The following AKAP13 variants were observed in gnomAD, a reference collection of about 807,000 sequenced individuals.
AKAP13 encodes A-kinase anchor protein 13.
AKAP13 carries 80 observed loss-of-function variants against 264.5 expected under a neutral mutation model. The observed-to-expected ratio is 0.30, with a 90% confidence interval of 0.25 to 0.36. AKAP13 has a LOEUF of 0.36. Ranked by LOEUF, AKAP13 falls within the 10% of genes least tolerant of loss-of-function variation. AKAP13 has a pLI of 1.00. For missense variants in AKAP13, 3,712 were observed against 3,435.2 expected, an observed-to-expected ratio of 1.08 and a Z score of -2.01; for synonymous variants, 1,380 against 1,250.2, an observed-to-expected ratio of 1.10 and a Z score of -2.19.
intron 1 of AKAP13, among the ~76,000 whole-genome samples, chr15:85,467,837 C>T (rs2074806945): frequency 6.6e-6 from 1 of 152,172 alleles, no homozygotes; most frequent in Non-Finnish European, 1.5e-5. Flanking sequence ...TGTTATCCAA[C>T]CTGTTGCCCA....
intron 1 of AKAP13, among the ~76,000 whole-genome samples, chr15:85,415,927 T>G (rs1225875850): frequency 6.6e-6 from 1 of 152,102 alleles, no homozygotes; most frequent in Non-Finnish European, 1.5e-5. Context: ...ACTTAAAGCC[T>G]GGTGGTTCAG....
At chr15:85,677,200 C>G (rs1340314453) in intron 14 of AKAP13, 1 of 890,958 alleles carries the variant, frequency 1.1e-6, no homozygotes, top group Non-Finnish European at 1.3e-6. Context: ...GGGCTTTTAG[C>G]CTCTTGCATG....
At chr15:85,467,523 G>T (rs2074790794) in intron 1 of AKAP13, among the ~76,000 whole-genome samples, 1 of 151,884 alleles carries the variant, frequency 6.6e-6, no homozygotes, top group Non-Finnish European at 1.5e-5. Context: ...GTATTGTCAG[G>T]CTTTTTTCAT....
chr15:85,610,136 T>C (rs1456889262), intron 8 of AKAP13, among the ~76,000 whole-genome samples: 3 of 152,250 alleles, frequency 2.0e-5, no homozygotes, highest in Non-Finnish European at 2.9e-5. Flanking sequence ...TTGCTACTAA[T>C]TGACCGTGGC....
At chr15:85,619,698 C>G in intron 8 of AKAP13, 2 of 993,792 alleles carry the variant, frequency 2.0e-6, no homozygotes, top group Non-Finnish European at 2.4e-6. Flanking sequence ...CTACGTGTAT[C>G]GGCCGTTATG....
intron 10 of AKAP13, among the ~76,000 whole-genome samples, chr15:85,650,608 T>C (rs2082759530): frequency 6.7e-6 from 1 of 150,324 alleles, no homozygotes; most frequent in South Asian, 2.1e-4. Context: ...ATACAAAAAT[T>C]AGCTGGGCGT....
chr15:85,546,736 C>CTTTTTTTTT (rs575680934), intron 5 of AKAP13, among the ~76,000 whole-genome samples: 6 of 141,106 alleles, frequency 4.3e-5, no homozygotes, highest in African/African-American at 2.6e-5. Context: ...TGCTATCTTT[C>CTTTTTTTTT]TTTTTTTTTT....
intron 16 of AKAP13, chr15:85,691,742 A>T (rs1458111514): frequency 2.2e-6 from 1 of 455,116 alleles, no homozygotes; most frequent in Non-Finnish European, 4.4e-6. Context: ...TGGCCTGCTC[A>T]GTAAGTAGAA....
chr15:85,477,640 A>G (rs1467836585), intron 1 of AKAP13, among the ~76,000 whole-genome samples: 5 of 144,726 alleles, frequency 3.5e-5, no homozygotes, highest in East Asian at 2.0e-4. Flanking sequence ...AAAAAAGGAA[A>G]AAAAAAAAAA....
intron 15 of AKAP13, among the ~76,000 whole-genome samples, chr15:85,683,979 C>G (rs2151610396): frequency 6.6e-6 from 1 of 152,296 alleles, no homozygotes; most frequent in Admixed American, 6.5e-5. Flanking sequence ...GCTGCATGGA[C>G]CAGTCCACAG....
At chr15:85,512,777 C>G (rs1273453481) in intron 2 of AKAP13, among the ~76,000 whole-genome samples, 1 of 152,174 alleles carries the variant, frequency 6.6e-6, no homozygotes, top group Non-Finnish European at 1.5e-5. Context: ...ATCTTCCTTT[C>G]TCACCTTTAC....
intron 5 of AKAP13, among the ~76,000 whole-genome samples, chr15:85,570,237 G>A (rs986662354): frequency 2.6e-5 from 4 of 152,158 alleles, no homozygotes; most frequent in African/African-American, 9.7e-5. Context: ...GATCACCTGA[G>A]TTCAGGAGTT....
chr15:85,606,182 A>G (rs1199468255), intron 8 of AKAP13, among the ~76,000 whole-genome samples: 1 of 138,534 alleles, frequency 7.2e-6, no homozygotes, highest in Non-Finnish European at 1.5e-5. Flanking sequence ...GCTCACTGCA[A>G]CCTCCGCCTC....
intron 5 of AKAP13, among the ~76,000 whole-genome samples, chr15:85,563,343 T>G (rs999832731): frequency 2.2e-5 from 3 of 138,186 alleles, no homozygotes; most frequent in African/African-American, 5.9e-5. Flanking sequence ...TTTTTTTTTT[T>G]TTTTTTTTTT....
At chr15:85,679,211 G>T (rs2151594726) in intron 14 of AKAP13, among the ~76,000 whole-genome samples, 1 of 151,872 alleles carries the variant, frequency 6.6e-6, no homozygotes, top group Admixed American at 6.6e-5. Context: ...TTGCACTCCA[G>T]CCCAGGCGAC....
chr15:85,701,862 C>T (rs2085936049), intron 17 of AKAP13, among the ~76,000 whole-genome samples: 1 of 152,144 alleles, frequency 6.6e-6, no homozygotes, highest in African/African-American at 2.4e-5. Flanking sequence ...TGCATACCAC[C>T]CTACTCCAGA....
intron 8 of AKAP13, among the ~76,000 whole-genome samples, chr15:85,589,326 T>C (rs1377538281): frequency 1.3e-5 from 2 of 152,156 alleles, no homozygotes; most frequent in African/African-American, 4.8e-5. Flanking sequence ...AAAGTGTCTG[T>C]AGCTAGTATG....
At chr15:85,595,836 T>A (rs1433477406) in intron 8 of AKAP13, among the ~76,000 whole-genome samples, 2 of 152,202 alleles carry the variant, frequency 1.3e-5, no homozygotes, top group Non-Finnish European at 2.9e-5. Context: ...AAAAAGAAAT[T>A]TCATTAGGAC....
At chr15:85,676,389 G>A (rs1403213388) in intron 14 of AKAP13, among the ~76,000 whole-genome samples, 1 of 152,222 alleles carries the variant, frequency 6.6e-6, no homozygotes, top group Non-Finnish European at 1.5e-5. Context: ...TGATTAATGA[G>A]TTAGATGTTG....
Sources: allele counts gnomAD v4.1 joint callset (sites outside exome capture counted in the v4.1 genomes callset), GRCh38; gene constraint gnomAD v4.1.1; transcripts MANE v1.5; gene names NCBI Gene and HGNC (gene_info 2026-07-23, HGNC 2026-07-21).